CTNNA3: variants seen among roughly 807,000 people sequenced by gnomAD.
CTNNA3 encodes the protein catenin alpha 3, also known as catenin alpha-3.
Under a neutral mutation model 95.7 loss-of-function variants are expected in CTNNA3, and 76 were observed. The observed-to-expected ratio is 0.79, with a 90% confidence interval of 0.66 to 0.96. The LOEUF (loss-of-function observed/expected upper bound fraction) is 0.96. CTNNA3 is among the 40% of genes least tolerant of loss of function. The pLI, the probability that CTNNA3 is intolerant of heterozygous loss-of-function variation, is 0.00. For missense variants in CTNNA3, 1,191 were observed against 1,089.8 expected, an observed-to-expected ratio of 1.09 and a Z score of -1.31; for synonymous variants, 431 against 374.4, an observed-to-expected ratio of 1.15 and a Z score of -1.74.
chr10:66,248,783 A>G (rs532592031), intron 13 of CTNNA3, among the ~76,000 whole-genome samples: 61 of 152,334 alleles, frequency 4.0e-4, no homozygotes, highest in African/African-American at 1.3e-3. Context: ...GACAGACCTC[A>G]ATACAATAAT....
rs199617831 is a variant in CTNNA3, at chr10:66,428,525, T to C, written c.1532-49173A>G. On this transcript the variant is annotated intron_variant, in intron 11 of 17. Transcript: ENST00000433211. ...GAAGTAAAGCACTCCTCAGCAAATG[T>C]AAAAGAACAGAAATTATAACAAACT... Among the ~76,000 whole-genome samples, 1,948 of 152,104 alleles carry C rather than the reference T, an allele frequency of 0.013. 175 individuals are homozygous for C. In the East Asian group the frequency reaches 0.24, roughly 19 times the overall value.
intron 15 of CTNNA3, among the ~76,000 whole-genome samples, chr10:66,037,381 A>G (rs995522288): frequency 6.6e-6 from 1 of 152,160 alleles, no homozygotes. Flanking sequence ...TAAGCTGCCA[A>G]ATATAATTTG....
intron 13 of CTNNA3, among the ~76,000 whole-genome samples, chr10:66,148,740 A>C (rs1357629351): frequency 6.7e-6 from 1 of 149,790 alleles, no homozygotes. Context: ...TATCCACTCT[A>C]AAGTAATTTG....
At chr10:67,421,250 A>C (rs1164188851) in intron 5 of CTNNA3, among the ~76,000 whole-genome samples, 1 of 152,262 alleles carries the variant, frequency 6.6e-6, no homozygotes, top group South Asian at 2.1e-4. Flanking sequence ...TGCAGGTTGC[A>C]GGATGTGAGA....
At chr10:66,049,515 T>C (rs1161616383) in intron 15 of CTNNA3, among the ~76,000 whole-genome samples, 2 of 152,136 alleles carry the variant, frequency 1.3e-5, no homozygotes, top group Non-Finnish European at 2.9e-5. Flanking sequence ...CTATTTACAG[T>C]CGCAAAGACA....
chr10:66,519,661 T>C (rs1840988098), intron 11 of CTNNA3, among the ~76,000 whole-genome samples: 1 of 152,200 alleles, frequency 6.6e-6, no homozygotes, highest in Admixed American at 6.5e-5. Context: ...CATTTCTACT[T>C]GTCCCACTTT....
chr10:66,427,860 C>G lies in CTNNA3; in HGVS notation c.1532-48508G>C, dbSNP rs1003430778. Among the ~76,000 whole-genome samples the G allele has an allele frequency of 3.3e-5, 5 of 152,258 alleles. No homozygotes were observed. In the East Asian group the frequency reaches 7.7e-4, roughly 24 times the overall value. The stretch of plus-strand genomic sequence containing the variant: ...CTGCATCAACTAATGAGCAAAATAA[C>G]AAGCTAACATCATAATGACAGGATC... On this transcript the variant is annotated intron_variant, in intron 11 of 17. Transcript: ENST00000433211.
At chr10:66,966,747 C>A (rs1849436350) in intron 7 of CTNNA3, among the ~76,000 whole-genome samples, 1 of 151,982 alleles carries the variant, frequency 6.6e-6, no homozygotes, top group South Asian at 2.1e-4. Flanking sequence ...ATATTTAGAA[C>A]TTAGCAGGGT....
chr10:67,463,985 T>A (rs1847480846), intron 5 of CTNNA3, among the ~76,000 whole-genome samples: 1 of 152,168 alleles, frequency 6.6e-6, no homozygotes, highest in Non-Finnish European at 1.5e-5. Flanking sequence ...CTCCTACGAA[T>A]GCTCTAACCC....
At chr10:66,816,145 A>G (rs981049639) in intron 7 of CTNNA3, among the ~76,000 whole-genome samples, 4 of 152,318 alleles carry the variant, frequency 2.6e-5, no homozygotes, top group Admixed American at 6.5e-5. Flanking sequence ...CCATAATTTA[A>G]TGTGTTAATT....
Position 66,572,335 on chromosome 10 carries a change from A to G in CTNNA3, c.1374+49357T>C, listed in dbSNP as rs577038914. ...GAGGCGGAGGTTACAGTGAGCCAAG[A>G]TCGCACCACTGCACTCCAGCCTGGT... is the stretch of plus-strand genomic sequence containing the variant. On this transcript the variant is annotated intron_variant, in intron 10 of 17. Transcript: ENST00000433211. Among the ~76,000 whole-genome samples, 15 of 151,950 alleles carry G rather than the reference A, an allele frequency of 9.9e-5. 1 individual carries two copies. The South Asian group carries it at 3.1e-3, about 32-fold the overall frequency.
intron 12 of CTNNA3, among the ~76,000 whole-genome samples, chr10:66,285,726 A>T (rs1342614170): frequency 6.6e-6 from 1 of 151,682 alleles, no homozygotes; most frequent in African/African-American, 2.4e-5. Context: ...TGCATTTCTC[A>T]GTAAGAATTC....
At chr10:66,083,760 G>C (rs1193506838) in intron 14 of CTNNA3, among the ~76,000 whole-genome samples, 2 of 152,076 alleles carry the variant, frequency 1.3e-5, no homozygotes, top group East Asian at 3.9e-4. Flanking sequence ...TATAAGTATA[G>C]GTAGCCAAGT....
At chr10:66,410,071 T>C (rs1360575696) in intron 11 of CTNNA3, among the ~76,000 whole-genome samples, 2 of 152,214 alleles carry the variant, frequency 1.3e-5, no homozygotes, top group Non-Finnish European at 2.9e-5. Flanking sequence ...TCCAGACAAA[T>C]ACATCTATAT....
At chr10:67,712,472 C>G (rs539972680) in intron 1 of CTNNA3, among the ~76,000 whole-genome samples, 4 of 152,202 alleles carry the variant, frequency 2.6e-5, no homozygotes, top group Non-Finnish European at 5.9e-5. Flanking sequence ...ATGGGCTGGG[C>G]CCAGGGTCCC....
Position 67,411,822 on chromosome 10 carries a change from G to T in CTNNA3, c.579+110020C>A, listed in dbSNP as rs201034251. ...CAAACTTAGAGCTCCATATCTGAGG[G>T]ATAACTGGACTGGTGATTGTGCAAA... On this transcript the variant is annotated intron_variant, in intron 5 of 17. Transcript: ENST00000433211. Among the ~76,000 whole-genome samples the T allele has an allele frequency of 2.6e-5, 4 of 152,128 alleles. No homozygotes were observed. In the East Asian group the frequency reaches 7.7e-4, roughly 29 times the overall value.
At chr10:67,449,639 C>T (rs1846892354) in intron 5 of CTNNA3, among the ~76,000 whole-genome samples, 1 of 152,094 alleles carries the variant, frequency 6.6e-6, no homozygotes, top group Admixed American at 6.6e-5. Flanking sequence ...CCCTTCCTTA[C>T]ACCATATACA....
At chr10:66,062,430 G>C (rs2080221661) in intron 15 of CTNNA3, among the ~76,000 whole-genome samples, 1 of 151,968 alleles carries the variant, frequency 6.6e-6, no homozygotes, top group South Asian at 2.1e-4. Flanking sequence ...CACTCTCACA[G>C]GTCCCACTAC....
chr10:67,339,358 A>C (rs1842100685), intron 5 of CTNNA3, among the ~76,000 whole-genome samples: 1 of 152,192 alleles, frequency 6.6e-6, no homozygotes, highest in Non-Finnish European at 1.5e-5. Context: ...TGGTGGTTCA[A>C]TAAAGAAATT....
Sources: allele counts gnomAD v4.1 joint callset (sites outside exome capture counted in the v4.1 genomes callset), GRCh38; gene constraint gnomAD v4.1.1; transcripts MANE v1.5; gene names NCBI Gene and HGNC (gene_info 2026-07-23, HGNC 2026-07-21).